Variants in SLC24A3 observed in about 807,000 individuals in gnomAD.
The protein encoded by SLC24A3 is sodium/potassium/calcium exchanger 3.
SLC24A3 carries 28 observed loss-of-function variants against 75.8 expected under a neutral mutation model. That is an observed-to-expected ratio of 0.37 (90% confidence interval 0.27 to 0.51). SLC24A3 has a LOEUF of 0.51. Ranked by LOEUF, SLC24A3 falls within the 20% of genes least tolerant of loss-of-function variation. SLC24A3 has a pLI of 0.94. For synonymous variants in SLC24A3, 372 were observed against 334.1 expected (o/e 1.11, Z -1.24); for missense variants, 663 against 847.8 (o/e 0.78, Z 2.71).
chr20:19,539,046 C>A (rs774559649), intron 3 of SLC24A3, among the ~76,000 whole-genome samples: 1 of 152,156 alleles, frequency 6.6e-6, no homozygotes, highest in Non-Finnish European at 1.5e-5. Flanking sequence ...GGTACAAAAG[C>A]AGGCAAAACT....
intron 15 of SLC24A3, among the ~76,000 whole-genome samples, chr20:19,712,930 G>A (rs2033006074): frequency 6.6e-6 from 1 of 152,228 alleles, no homozygotes; most frequent in African/African-American, 2.4e-5. Flanking sequence ...ACTGCCTTGT[G>A]GTAGAGAAAC....
intron 1 of SLC24A3, among the ~76,000 whole-genome samples, chr20:19,247,301 C>G (rs1568567864): frequency 6.6e-6 from 1 of 152,198 alleles, no homozygotes; most frequent in Non-Finnish European, 1.5e-5. Context: ...TATGCCCACT[C>G]TCCTACCTAC....
intron 2 of SLC24A3, among the ~76,000 whole-genome samples, chr20:19,357,192 G>A (rs932847815): frequency 6.6e-6 from 1 of 152,196 alleles, no homozygotes; most frequent in African/African-American, 2.4e-5. Flanking sequence ...GCAGTCACAA[G>A]CCAAGGGATG....
intron 2 of SLC24A3, among the ~76,000 whole-genome samples, chr20:19,358,383 G>A (rs1427362227): frequency 6.6e-6 from 1 of 152,086 alleles, no homozygotes; most frequent in East Asian, 1.9e-4. Context: ...TGGAAACTTT[G>A]GTCTCATTTT....
chr20:19,645,040 G>A (rs752447481), intron 6 of SLC24A3, among the ~76,000 whole-genome samples: 7 of 152,302 alleles, frequency 4.6e-5, no homozygotes, highest in Non-Finnish European at 1.0e-4. Flanking sequence ...TACAGTCACC[G>A]CAGTTATCTC....
chr20:19,557,973 G>A (rs1344232346), intron 3 of SLC24A3, among the ~76,000 whole-genome samples: 1 of 152,144 alleles, frequency 6.6e-6, no homozygotes, highest in Non-Finnish European at 1.5e-5. Context: ...GTGTATGTGT[G>A]TACATGCATG....
intron 3 of SLC24A3, among the ~76,000 whole-genome samples, chr20:19,578,821 G>T (rs566677931): frequency 6.6e-6 from 1 of 152,222 alleles, no homozygotes; most frequent in Admixed American, 6.5e-5. Flanking sequence ...AAGTCAAGAG[G>T]CAGGGTGGAC....
intron 2 of SLC24A3, among the ~76,000 whole-genome samples, chr20:19,483,469 G>A (rs1330546605): frequency 2.0e-5 from 3 of 152,216 alleles, no homozygotes; most frequent in Admixed American, 2.0e-4. Flanking sequence ...GTAATTGTGT[G>A]TGTATGTGGT....
At chr20:19,404,787 G>A (rs933816865) in intron 2 of SLC24A3, among the ~76,000 whole-genome samples, 1 of 152,190 alleles carries the variant, frequency 6.6e-6, no homozygotes, top group Non-Finnish European at 1.5e-5. Context: ...CATGGCTGAA[G>A]GACTGAAGGG....
intron 3 of SLC24A3, among the ~76,000 whole-genome samples, chr20:19,517,594 C>T (rs1283123012): frequency 6.6e-6 from 1 of 152,198 alleles, no homozygotes; most frequent in Non-Finnish European, 1.5e-5. Context: ...TCACTGGAAT[C>T]CGATGCCACT....
At chr20:19,648,756 A>AT (rs2032166945) in intron 6 of SLC24A3, among the ~76,000 whole-genome samples, 1 of 152,308 alleles carries the variant, frequency 6.6e-6, no homozygotes, top group South Asian at 2.1e-4. Flanking sequence ...AGTGTGAATT[A>AT]TTTTTTGCAT....
At chr20:19,534,875 GATAGGTATTGT>G (rs1023389112) in intron 3 of SLC24A3, among the ~76,000 whole-genome samples, 11 of 152,312 alleles carry the variant, frequency 7.2e-5, no homozygotes, top group African/African-American at 2.2e-4. Flanking sequence ...GTGAAAGAAT[GATAGGTATTGT>G]ATAGGTATTG....
intron 2 of SLC24A3, among the ~76,000 whole-genome samples, chr20:19,453,356 CA>C (rs1002516604): frequency 8.5e-5 from 13 of 152,078 alleles, no homozygotes; most frequent in African/African-American, 3.1e-4. Flanking sequence ...CCCTGCCCCT[CA>C]AAAAAAGTGT....
At chr20:19,498,878 C>T (rs1988339316) in intron 2 of SLC24A3, among the ~76,000 whole-genome samples, 1 of 152,216 alleles carries the variant, frequency 6.6e-6, no homozygotes, top group African/African-American at 2.4e-5. Context: ...TCATAAAAGG[C>T]TGTATGATTT....
At chr20:19,524,998 A>G (rs560651965) in intron 3 of SLC24A3, among the ~76,000 whole-genome samples, 2 of 152,348 alleles carry the variant, frequency 1.3e-5, no homozygotes, top group South Asian at 4.1e-4. Context: ...CTCTTTGCCA[A>G]TAGTTTTCTG....
intron 2 of SLC24A3, among the ~76,000 whole-genome samples, chr20:19,410,124 A>T (rs1180218252): frequency 6.6e-6 from 1 of 152,188 alleles, no homozygotes; most frequent in Non-Finnish European, 1.5e-5. Flanking sequence ...TAGAGGCATT[A>T]GCTAGAAAAA....
At chr20:19,396,703 C>A (rs564746232) in intron 2 of SLC24A3, among the ~76,000 whole-genome samples, 20 of 152,338 alleles carry the variant, frequency 1.3e-4, no homozygotes, top group African/African-American at 4.8e-4. Context: ...CAAATTACTT[C>A]TCTGGCATTT....
intron 3 of SLC24A3, among the ~76,000 whole-genome samples, chr20:19,546,055 A>G (rs549406103): frequency 1.4e-5 from 2 of 147,974 alleles, no homozygotes; most frequent in Admixed American, 1.4e-4. Context: ...GCTACTCGGG[A>G]GGCAGAAGTA....
chr20:19,216,042 T>C (rs1981543173), intron 1 of SLC24A3, among the ~76,000 whole-genome samples: 1 of 152,212 alleles, frequency 6.6e-6, no homozygotes, highest in Non-Finnish European at 1.5e-5. Context: ...GGTATTGCTT[T>C]ATTTAATCTG....
Sources: allele counts gnomAD v4.1 joint callset (sites outside exome capture counted in the v4.1 genomes callset), GRCh38; gene constraint gnomAD v4.1.1; transcripts MANE v1.5; gene names NCBI Gene and HGNC (gene_info 2026-07-23, HGNC 2026-07-21).